The following ITSN1 variants were observed in gnomAD, a reference collection of about 807,000 sequenced individuals.
ITSN1 encodes the protein intersectin-1.
ITSN1 carries 58 observed loss-of-function variants against 239.8 expected under a neutral mutation model. That is an observed-to-expected ratio of 0.24 (90% confidence interval 0.20 to 0.30). The LOEUF (loss-of-function observed/expected upper bound fraction) is 0.30, where lower values mean the gene tolerates loss of function less well. Ranked by LOEUF, ITSN1 falls within the 10% of genes least tolerant of loss-of-function variation. The pLI, the probability that ITSN1 is intolerant of heterozygous loss-of-function variation, is 1.00. For synonymous variants in ITSN1, 780 were observed against 770.8 expected (o/e 1.01, Z -0.20); for missense variants, 1,558 against 2,103.3 (o/e 0.74, Z 5.07).
intron 28 of ITSN1, among the ~76,000 whole-genome samples, chr21:33,834,981 G>A (rs1257896272): frequency 1.3e-5 from 2 of 152,172 alleles, no homozygotes; most frequent in African/African-American, 4.8e-5. Flanking sequence ...TGGCCCAGTT[G>A]GCTATTTTCT....
At chr21:33,842,117 G>A (rs1569291281) in intron 29 of ITSN1, among the ~76,000 whole-genome samples, 1 of 151,978 alleles carries the variant, frequency 6.6e-6, no homozygotes. Context: ...GGATGGTCTC[G>A]ATCTCCTGAC....
At chr21:33,720,598 A>ATAC (rs1469429304) in intron 2 of ITSN1, among the ~76,000 whole-genome samples, 1 of 152,120 alleles carries the variant, frequency 6.6e-6, no homozygotes, top group African/African-American at 2.4e-5. Flanking sequence ...GCATACTGAG[A>ATAC]TACCTGTTTT....
At chr21:33,678,379 GT>G (rs937610553) in intron 1 of ITSN1, among the ~76,000 whole-genome samples, 4 of 152,068 alleles carry the variant, frequency 2.6e-5, no homozygotes, top group African/African-American at 9.7e-5. Context: ...TTCTTTATTT[GT>G]TTACTGGTTT....
At chr21:33,862,147 A>G (rs1980711384) in intron 31 of ITSN1, among the ~76,000 whole-genome samples, 1 of 140,674 alleles carries the variant, frequency 7.1e-6, no homozygotes, top group South Asian at 2.3e-4. Context: ...CCTGGGCAAC[A>G]GAGTGAGACT....
intron 1 of ITSN1, among the ~76,000 whole-genome samples, chr21:33,648,564 G>C (rs530572228): frequency 2.0e-5 from 3 of 152,114 alleles, no homozygotes; most frequent in Non-Finnish European, 2.9e-5. Context: ...AATTAGCTTT[G>C]GGACCGGTGC....
At chr21:33,848,661 C>A (rs1338831222) in intron 29 of ITSN1, among the ~76,000 whole-genome samples, 4 of 152,238 alleles carry the variant, frequency 2.6e-5, no homozygotes, top group African/African-American at 9.6e-5. Flanking sequence ...TGAGTTTGCA[C>A]ATGTGCAGCA....
At chr21:33,838,803 C>T (rs2074724060) in intron 29 of ITSN1, among the ~76,000 whole-genome samples, 1 of 152,216 alleles carries the variant, frequency 6.6e-6, no homozygotes, top group African/African-American at 2.4e-5. Flanking sequence ...GTTGTCGACA[C>T]ATTGAGGGTG....
intron 1 of ITSN1, among the ~76,000 whole-genome samples, chr21:33,682,549 G>A (rs536376386): frequency 2.6e-5 from 4 of 151,494 alleles, no homozygotes; most frequent in Non-Finnish European, 5.9e-5. Context: ...TTTTTGAGAT[G>A]GAGCCTCTCT....
At chr21:33,660,540 C>G (rs527913647) in intron 1 of ITSN1, among the ~76,000 whole-genome samples, 44 of 152,138 alleles carry the variant, frequency 2.9e-4, no homozygotes, top group Non-Finnish European at 5.3e-4. Context: ...TTGCAGATCT[C>G]TTTCATGCCT....
At chr21:33,764,490 CAG>C (rs572739147) in intron 9 of ITSN1, among the ~76,000 whole-genome samples, 1 of 151,944 alleles carries the variant, frequency 6.6e-6, no homozygotes, top group Non-Finnish European at 1.5e-5. Context: ...ACTAGAGGAA[CAG>C]AAAAAAGATC....
At chr21:33,853,924 G>A (rs915855644) in intron 29 of ITSN1, among the ~76,000 whole-genome samples, 6 of 152,158 alleles carry the variant, frequency 3.9e-5, no homozygotes, top group African/African-American at 9.7e-5. Flanking sequence ...CAGTAGCACC[G>A]CCTGCTGAGG....
intron 4 of ITSN1, among the ~76,000 whole-genome samples, chr21:33,726,826 A>G (rs1475918750): frequency 6.6e-6 from 1 of 152,222 alleles, no homozygotes; most frequent in Non-Finnish European, 1.5e-5. Flanking sequence ...CCAGCAAAGA[A>G]GAGAAGTTTG....
intron 33 of ITSN1, among the ~76,000 whole-genome samples, chr21:33,873,405 A>G (rs369580218): frequency 6.6e-6 from 1 of 152,196 alleles, no homozygotes; most frequent in East Asian, 1.9e-4. Context: ...AATTGTTTTT[A>G]GGGGCCTGGA....
At chr21:33,816,827 C>T (rs2073308404) in intron 22 of ITSN1, among the ~76,000 whole-genome samples, 1 of 151,968 alleles carries the variant, frequency 6.6e-6, no homozygotes, top group Non-Finnish European at 1.5e-5. Flanking sequence ...TAGGGGTGTT[C>T]GAAATCCAGG....
chr21:33,807,599 C>T (rs955875563), intron 20 of ITSN1, among the ~76,000 whole-genome samples: 2 of 151,692 alleles, frequency 1.3e-5, no homozygotes, highest in Admixed American at 6.6e-5. Context: ...GCTGGGATTA[C>T]AGGAGTGAGC....
rs1986700049 is a variant in ITSN1, at chr21:33,895,579, GTGCAT to G, written c.*7280_*7284del. 6.6e-6 allele frequency: 1 copy of G among 151,270 alleles called. No homozygotes were observed. The highest frequency in any genetic ancestry group is 1.5e-5 in the Non-Finnish European group (1 of 67,868). The allele number at this position is 151,270 out of a possible 1,614,324, so 9.4% of individuals were successfully genotyped here. ...TGTGTGTGCGTGTATGTGTGCGTGT[GTGCAT>G]GTTTGTGAGTGCATGTGTTTGTGCG... is the stretch of plus-strand genomic sequence containing the variant. On this transcript the variant is annotated 3_prime_UTR_variant, in exon 40 of 40. Coordinates refer to ENST00000381318, the MANE Select transcript of ITSN1 (RefSeq NM_003024.3).
At chr21:33,811,283 C>A (rs372189761) in intron 21 of ITSN1, 61 bp downstream of exon 21, 6 of 1,480,556 alleles carry the variant, frequency 4.1e-6, no homozygotes, top group African/African-American at 1.4e-5. Context: ...ATTTCCCCCC[C>A]ACCCCCTTAA....
intron 1 of ITSN1, among the ~76,000 whole-genome samples, chr21:33,713,949 C>T (rs1242991321): frequency 6.6e-6 from 1 of 151,234 alleles, no homozygotes; most frequent in East Asian, 2.0e-4. Flanking sequence ...ATTCTCCTGC[C>T]TCAGCCTCCT....
At chr21:33,704,389 C>T (rs1004655011) in intron 1 of ITSN1, among the ~76,000 whole-genome samples, 1 of 152,208 alleles carries the variant, frequency 6.6e-6, no homozygotes, top group African/African-American at 2.4e-5. Context: ...ACCCACGCTT[C>T]ACCCTGGTTA....
Sources: gnomAD v4.1 joint callset for allele counts (sites outside exome capture counted in the v4.1 genomes callset) on GRCh38, gnomAD v4.1.1 for gene constraint, MANE v1.5 for transcripts, NCBI Gene and HGNC (gene_info 2026-07-23, HGNC 2026-07-21) for gene names.